The following ZNF385C variants were observed in gnomAD, a reference collection of about 807,000 sequenced individuals.
The protein encoded by ZNF385C is CTD-2132N18.2.
A neutral mutation model predicts 35.4 loss-of-function variants in ZNF385C; 28 were observed. That is an observed-to-expected ratio of 0.79 (90% CI 0.59 to 1.08). The LOEUF (loss-of-function observed/expected upper bound fraction) is 1.08. Ranked by LOEUF, ZNF385C falls within the 50% of genes least tolerant of loss-of-function variation. The probability of loss-of-function intolerance (pLI) is 0.00; values close to 1 mark genes in which losing one functional copy is unlikely to be tolerated. For missense variants in ZNF385C, 605 were observed against 595.6 expected (o/e 1.02, Z -0.16); for synonymous variants, 248 against 248.2 (o/e 1.00, Z 0.01).
chr17:42,063,345 A>G (rs1474124271), intron 1 of ZNF385C, among the ~76,000 whole-genome samples: 1 of 152,130 alleles, frequency 6.6e-6, no homozygotes, highest in Non-Finnish European at 1.5e-5. Context: ...CCTGACCAAC[A>G]TGGTGAAACC....
At chr17:42,051,405 C>G (rs2053279892) in intron 2 of ZNF385C, among the ~76,000 whole-genome samples, 1 of 152,076 alleles carries the variant, frequency 6.6e-6, no homozygotes, top group African/African-American at 2.4e-5. Flanking sequence ...AGCTTCCCTG[C>G]AAGAGGAATG....
At chr17:42,034,643 G>T (rs1358558520) in intron 3 of ZNF385C, among the ~76,000 whole-genome samples, 1 of 151,884 alleles carries the variant, frequency 6.6e-6, no homozygotes, top group Admixed American at 6.6e-5. Flanking sequence ...AATTAGCCAG[G>T]TGTGATGGCG....
intron 1 of ZNF385C, among the ~76,000 whole-genome samples, chr17:42,072,748 T>C (rs2143903939): frequency 6.6e-6 from 1 of 152,086 alleles, no homozygotes; most frequent in Admixed American, 6.5e-5. Flanking sequence ...AGGACAGCCT[T>C]GGCGGGAGAG....
Position 42,070,330 on chromosome 17 carries a change from C to T in ZNF385C, c.-2-7272G>A, listed in dbSNP as rs554361807. On this transcript the variant is annotated intron_variant, in intron 1 of 8. Transcript: ENST00000692273. ...CTGCACTCCAGCCTGTGCGACAGAG[C>T]GAGACTCCATCTCAAAAAAGTAAAA... Among the ~76,000 whole-genome samples the T allele has an allele frequency of 3.9e-5, 6 of 152,198 alleles. No individual in the cohort carries two copies. In the South Asian group the frequency reaches 8.3e-4, roughly 21 times the overall value.
At chr17:42,039,825 C>G in intron 2 of ZNF385C, 1 of 1,232,222 alleles carries the variant, frequency 8.1e-7, no homozygotes. Context: ...CCATGTGGCC[C>G]CCCCGGCCTT....
intron 1 of ZNF385C, among the ~76,000 whole-genome samples, chr17:42,065,705 TTTCAATAGAG>T (rs2053537503): frequency 2.0e-5 from 3 of 152,156 alleles, no homozygotes; most frequent in Non-Finnish European, 4.4e-5. Flanking sequence ...ATGTTTAAAA[TTTCAATAGAG>T]ACAGGGTCTC....
In ZNF385C at chr17:42,029,056, G is replaced by T. The variant is rs1272373832; in HGVS notation, c.694C>A (p.Leu232Ile). The T allele has an allele frequency of 6.5e-7, 1 of 1,549,486 alleles. No individual in the cohort carries two copies. Among genetic ancestry groups the T allele is most frequent in the Non-Finnish European group, 8.7e-7 (1 of 1,146,638 alleles). ...GGTGGTGGCTGGAGTGGAGGCCCAAGAGGAGGGGCTGCAGGAACTGCTGCA... is the reference window on the plus strand; with the variant it reads ...GGTGGTGGCTGGAGTGGAGGCCCAATAGGAGGGGCTGCAGGAACTGCTGCA... The part of the protein sequence containing the change: ...PQSKVPAAPP[L>I]GPPLQPPPTP... The change falls in exon 6 of 9, where the codon CTT becomes ATT. Residue 232 changes from leucine to isoleucine, a missense_variant. Physicochemically the swap from Leu to Ile is conservative, Grantham distance 5. Transcript: ENST00000692273.
chr17:42,083,058 T>C (rs1334543196), intron 1 of ZNF385C, among the ~76,000 whole-genome samples: 3 of 151,824 alleles, frequency 2.0e-5, no homozygotes, highest in African/African-American at 7.3e-5. Context: ...GCATGGGCAA[T>C]AGAATGAAAC....
At chr17:42,087,372 T>C (rs1204555533) in intron 1 of ZNF385C, among the ~76,000 whole-genome samples, 2 of 152,230 alleles carry the variant, frequency 1.3e-5, no homozygotes, top group African/African-American at 4.8e-5. Context: ...CCTAGTTACC[T>C]GACACAATCA....
Position 42,034,289 on chromosome 17 carries a change from G to T in ZNF385C, c.446C>A (p.Pro149His). 1 of 1,550,648 alleles carries T rather than the reference G, an allele frequency of 6.4e-7. No homozygotes were observed. Among genetic ancestry groups the T allele is most frequent in the Non-Finnish European group, 8.7e-7 (1 of 1,147,006 alleles). ...GAACAGCTTCTTCTTCAGAGGGGAG[G>T]GGACACCAAACGTGTGGCTGATGAC... ...KAVISHTFGVPSPLKKKLFIS... is the reference protein window; with the variant it reads ...KAVISHTFGVHSPLKKKLFIS... The change falls in exon 4 of 9, where the codon CCC (proline) becomes CAC (histidine). Residue 149 changes from proline to histidine, a missense_variant. Coordinates refer to ENST00000692273, the MANE Select transcript of ZNF385C (RefSeq NM_001392013.1).
intron 1 of ZNF385C, among the ~76,000 whole-genome samples, chr17:42,085,956 C>T (rs1222563827): frequency 6.6e-6 from 1 of 152,080 alleles, no homozygotes; most frequent in Non-Finnish European, 1.5e-5. Flanking sequence ...TGGTCCTGGT[C>T]ACTTGAGAAG....
intron 1 of ZNF385C, among the ~76,000 whole-genome samples, chr17:42,064,556 G>A (rs181750227): frequency 6.6e-6 from 1 of 152,114 alleles, no homozygotes; most frequent in Non-Finnish European, 1.5e-5. Context: ...TAATTCATAT[G>A]ATGGGTGTCT....
chr17:42,037,373 C>T (rs981526177), intron 3 of ZNF385C, among the ~76,000 whole-genome samples: 1 of 119,964 alleles, frequency 8.3e-6, no homozygotes. Context: ...CAAAAAGGCA[C>T]AGGTTACACA....
At chr17:42,096,729 C>T (rs1054961279) in intron 1 of ZNF385C, among the ~76,000 whole-genome samples, 4 of 152,170 alleles carry the variant, frequency 2.6e-5, no homozygotes, top group Non-Finnish European at 5.9e-5. Flanking sequence ...CAAGCCAGAG[C>T]TTGTTCCACT....
rs782208917 is a variant in ZNF385C, at chr17:42,027,013, C to G, written c.1396G>C (p.Ala466Pro). 6.2e-6 allele frequency: 10 copies of G among 1,608,390 alleles called. No homozygotes were observed. Among genetic ancestry groups the G allele is most frequent in the Admixed American group, 1.7e-5 (1 of 59,426 alleles). ...ALPGPLALRPAPTAATTLFPA... is the reference protein window; with the variant it reads ...ALPGPLALRPPPTAATTLFPA... The stretch of plus-strand genomic sequence containing the variant: ...AAGAGGGTAGTGGCTGCTGTAGGGG[C>G]AGGGCGGAGGGCCAGGGGCCCTGGC... Residue 466 changes from alanine to proline, a missense_variant, in exon 9 of 9, where the codon GCC becomes CCC. Transcript: ENST00000692273.
chr17:42,074,988 G>A (rs115388923), intron 1 of ZNF385C, among the ~76,000 whole-genome samples: 1,847 of 152,208 alleles, frequency 0.012, 30 homozygotes, highest in African/African-American at 0.038. Flanking sequence ...CTATGCTAAC[G>A]TTAATTAAAA....
chr17:42,032,420 C>T (rs2052751864), intron 4 of ZNF385C, among the ~76,000 whole-genome samples: 1 of 152,156 alleles, frequency 6.6e-6, no homozygotes, highest in African/African-American at 2.4e-5. Context: ...CCCATAAACC[C>T]TGTGATGATA....
chr17:42,069,031 T>C (rs2053587108), intron 1 of ZNF385C, among the ~76,000 whole-genome samples: 2 of 152,314 alleles, frequency 1.3e-5, no homozygotes, highest in South Asian at 2.1e-4. Flanking sequence ...AAAGCGTGTA[T>C]GTACCCATCC....
chr17:42,051,655 A>G (rs1221525746), intron 2 of ZNF385C, among the ~76,000 whole-genome samples: 2 of 152,160 alleles, frequency 1.3e-5, no homozygotes, highest in African/African-American at 4.8e-5. Context: ...GGGCATGTCC[A>G]GACAATGACC....
Sources: gnomAD v4.1 joint callset for allele counts (sites outside exome capture counted in the v4.1 genomes callset) on GRCh38, gnomAD v4.1.1 for gene constraint, MANE v1.5 for transcripts, NCBI Gene and HGNC (gene_info 2026-07-23, HGNC 2026-07-21) for gene names.